CSMD1: variants seen among roughly 807,000 people sequenced by gnomAD.
CSMD1 encodes the protein CUB and sushi domain-containing protein 1.
Under a neutral mutation model 417.5 loss-of-function variants are expected in CSMD1, and 213 were observed. The observed-to-expected ratio is 0.51, with a 90% CI of 0.46 to 0.57. The LOEUF is 0.57. CSMD1 is among the 20% of genes least tolerant of loss of function. The probability of loss-of-function intolerance (pLI) is 0.00; values close to 1 mark genes in which losing one functional copy is unlikely to be tolerated. For missense variants in CSMD1, 6,923 were observed against 4,529.7 expected (o/e 1.53, Z -15.17); for synonymous variants, 2,862 against 1,736.8 (o/e 1.65, Z -16.11).
intron 2 of CSMD1, among the ~76,000 whole-genome samples, chr8:4,567,291 C>A (rs1337194605): frequency 6.6e-6 from 1 of 152,092 alleles, no homozygotes; most frequent in African/African-American, 2.4e-5. Flanking sequence ...TTTCTCAGAG[C>A]TTGTAAAACC....
chr8:3,307,189 GC>G (rs1804937412), intron 25 of CSMD1, among the ~76,000 whole-genome samples: 1 of 152,090 alleles, frequency 6.6e-6, no homozygotes, highest in Non-Finnish European at 1.5e-5. Context: ...GGGCACCTTA[GC>G]AAGTGTAATG....
intron 5 of CSMD1, among the ~76,000 whole-genome samples, chr8:3,906,184 A>G (rs1200004101): frequency 6.6e-6 from 1 of 152,164 alleles, no homozygotes; most frequent in Admixed American, 6.5e-5. Context: ...ATATGGGTTA[A>G]TGTAAGTGAA....
Position 2,973,221 on chromosome 8 carries a change from C to T in CSMD1, c.8819G>A (p.Ser2940Asn). ...CATTTCACAGGAGAAGCGGAGAAGA[C>T]TCTTTGTCTTAAAGTCATCACCAAG... Reference protein sequence around the residue: ...SRLGDDFKTKSLLRFSCEMGH... With the variant: ...SRLGDDFKTKNLLRFSCEMGH... The change falls in exon 57 of 70, where the codon AGT becomes AAT. Residue 2940 changes from serine (S) to asparagine (N), a missense_variant. By Grantham distance (46) the Ser-to-Asn change is conservative (BLOSUM62 1). Coordinates refer to ENST00000635120, the MANE Select transcript of CSMD1 (RefSeq NM_033225.6). The T allele has an allele frequency of 6.2e-7, 1 of 1,613,946 alleles. No homozygotes were observed. Among genetic ancestry groups the T allele is most frequent in the Non-Finnish European group, 8.5e-7 (1 of 1,179,856 alleles).
At chr8:4,983,907 T>C (rs1811034107) in intron 1 of CSMD1, among the ~76,000 whole-genome samples, 1 of 152,242 alleles carries the variant, frequency 6.6e-6, no homozygotes, top group African/African-American at 2.4e-5. Flanking sequence ...CTCAAAGTTA[T>C]GGTCGATGAG....
intron 2 of CSMD1, among the ~76,000 whole-genome samples, chr8:4,562,247 G>C (rs1044257176): frequency 2.0e-5 from 3 of 152,154 alleles, no homozygotes; most frequent in Non-Finnish European, 4.4e-5. Context: ...TTCCACACGG[G>C]AAATACACAG....
chr8:3,527,622 G>C (rs77287302), intron 10 of CSMD1, among the ~76,000 whole-genome samples: 169 of 152,192 alleles, frequency 1.1e-3, no homozygotes, highest in African/African-American at 4.0e-3. Context: ...AAGAGTCCAT[G>C]AATCTGGTGA....
intron 26 of CSMD1, among the ~76,000 whole-genome samples, chr8:3,268,923 A>G (rs1231204314): frequency 6.6e-6 from 1 of 152,194 alleles, no homozygotes; most frequent in Non-Finnish European, 1.5e-5. Flanking sequence ...TATTCCAGCT[A>G]GTATTTTTTA....
chr8:3,252,768 A>G (rs1800367754), intron 26 of CSMD1, among the ~76,000 whole-genome samples: 1 of 152,090 alleles, frequency 6.6e-6, no homozygotes, highest in African/African-American at 2.4e-5. Flanking sequence ...CAGAGATTCA[A>G]CTTCTTCCTC....
intron 69 of CSMD1, among the ~76,000 whole-genome samples, chr8:2,941,391 T>C (rs1397531993): frequency 1.3e-5 from 2 of 152,234 alleles, no homozygotes; most frequent in African/African-American, 4.8e-5. Flanking sequence ...AATATCTGTA[T>C]TATGTACTGA....
chr8:4,829,456 T>G lies in CSMD1; in HGVS notation c.85+164876A>C, dbSNP rs959562852. On this transcript the variant is annotated intron_variant, in intron 1 of 69. Coordinates refer to ENST00000635120, the MANE Select transcript of CSMD1 (RefSeq NM_033225.6). ...TCAACTCAGCAGTAGAAATTAACAT[T>G]TAAGGCCAGGTGCAGTGGCTAATAC... Among the ~76,000 whole-genome samples, 13 of 152,206 alleles carry G rather than the reference T, an allele frequency of 8.5e-5. No individual in the cohort carries two copies. The East Asian group carries it at 1.4e-3, about 16-fold the overall frequency.
intron 2 of CSMD1, among the ~76,000 whole-genome samples, chr8:4,443,828 T>A (rs1798622664): frequency 6.6e-6 from 1 of 152,212 alleles, no homozygotes; most frequent in South Asian, 2.1e-4. Context: ...GTGATCACAG[T>A]GTTAGTAACG....
intron 1 of CSMD1, among the ~76,000 whole-genome samples, chr8:4,927,853 T>C (rs1328088767): frequency 1.3e-5 from 2 of 152,302 alleles, no homozygotes; most frequent in Admixed American, 6.5e-5. Context: ...CTTCAAGATA[T>C]ACCCAGAATT....
At chr8:4,817,279 G>T (rs1028131305) in intron 1 of CSMD1, among the ~76,000 whole-genome samples, 1 of 152,096 alleles carries the variant, frequency 6.6e-6, no homozygotes, top group African/African-American at 2.4e-5. Flanking sequence ...TGTGTGCCAG[G>T]CCTGCCCAAT....
At chr8:3,155,363 T>TTTTTTTTTTTTTTTTTTTG (rs1819458000) in intron 39 of CSMD1, among the ~76,000 whole-genome samples, 1 of 51,074 alleles carries the variant, frequency 2.0e-5, no homozygotes, top group African/African-American at 7.5e-5. Flanking sequence ...GCTGGGATTT[T>TTTTTTTTTTTTTTTTTTTG]TTTTTTTTTT....
chr8:4,362,054 C>G (rs994209260), intron 3 of CSMD1, among the ~76,000 whole-genome samples: 2 of 151,958 alleles, frequency 1.3e-5, no homozygotes, highest in Admixed American at 1.3e-4. Flanking sequence ...ACATAAGGAA[C>G]CTGTGAAAAT....
chr8:3,652,566 A>G (rs117499515), intron 7 of CSMD1, among the ~76,000 whole-genome samples: 7,644 of 152,310 alleles, frequency 0.05, 250 homozygotes, highest in Non-Finnish European at 0.078. Flanking sequence ...CAGAATGCAA[A>G]GGAGAAGCAA....
In CSMD1 at chr8:3,142,596, G is replaced by C. The variant is rs767407687; in HGVS notation, c.6110C>G (p.Thr2037Ser). The C allele has an allele frequency of 3.7e-6, 6 of 1,613,952 alleles. No homozygotes were observed. The highest frequency in any genetic ancestry group is 2.2e-5 in the East Asian group (1 of 44,880). ...FLEIQNGPYH[T>S]SPMIGQFSGT... ...GCTAAATTGTCCAATCATGGGGCTG[G>C]TGTGGTAAGGTCCATTTTGAATTTC... Residue 2037 changes from threonine to serine, a missense_variant, in exon 41 of 70, where the codon ACC (threonine) becomes AGC (serine). Coordinates refer to ENST00000635120, the MANE Select transcript of CSMD1 (RefSeq NM_033225.6).
At chr8:3,974,647 A>C (rs1456834485) in intron 5 of CSMD1, among the ~76,000 whole-genome samples, 1 of 150,544 alleles carries the variant, frequency 6.6e-6, no homozygotes, top group Admixed American at 6.6e-5. Context: ...AGAACTGTTT[A>C]AACTGCTTTA....
At chr8:3,196,336 A>T (rs1796701361) in intron 33 of CSMD1, among the ~76,000 whole-genome samples, 1 of 152,162 alleles carries the variant, frequency 6.6e-6, no homozygotes, top group South Asian at 2.1e-4. Flanking sequence ...GCATATAATC[A>T]AGAAATAATA....
Sources: allele counts gnomAD v4.1 joint callset (sites outside exome capture counted in the v4.1 genomes callset), GRCh38; gene constraint gnomAD v4.1.1; transcripts MANE v1.5; gene names NCBI Gene and HGNC (gene_info 2026-07-23, HGNC 2026-07-21).